Variants in DNAH9 observed in about 807,000 individuals in gnomAD.
DNAH9 encodes DNAH9 variant protein.
A neutral mutation model predicts 471.6 loss-of-function variants in DNAH9; 345 were observed. That is an observed-to-expected ratio of 0.73 (90% CI 0.67 to 0.80). The LOEUF (loss-of-function observed/expected upper bound fraction) is 0.80, where lower values mean the gene tolerates loss of function less well. Ranked by LOEUF, DNAH9 falls within the 30% of genes least tolerant of loss-of-function variation. The pLI is 0.00. For missense variants in DNAH9, 5,407 were observed against 5,609.2 expected (o/e 0.96, Z 1.15); for synonymous variants, 2,093 against 2,123.6 (o/e 0.99, Z 0.40).
At chr17:11,737,765 G>T (rs2075369844) in intron 28 of DNAH9, among the ~76,000 whole-genome samples, 1 of 152,094 alleles carries the variant, frequency 6.6e-6, no homozygotes, top group South Asian at 2.1e-4. Context: ...ATTTTCTAAA[G>T]AAAAAAGCAC....
chr17:11,817,970 A>G (rs1367911079), intron 45 of DNAH9, among the ~76,000 whole-genome samples: 1 of 152,238 alleles, frequency 6.6e-6, no homozygotes, highest in African/African-American at 2.4e-5. Context: ...CTATCAAACC[A>G]TGAAGTCCGT....
At chr17:11,923,736 G>T in intron 61 of DNAH9, 78 bp from the exon 62 acceptor site, 3 of 1,561,876 alleles carry the variant, frequency 1.9e-6, no homozygotes, top group Non-Finnish European at 2.6e-6. Flanking sequence ...TGATCTGAGC[G>T]TGTGCATTTC....
At chr17:11,737,423 G>A (rs546620173) in intron 28 of DNAH9, among the ~76,000 whole-genome samples, 7 of 145,758 alleles carry the variant, frequency 4.8e-5, no homozygotes, top group South Asian at 2.2e-4. Context: ...GGACTTAGCC[G>A]ACCTGCTGAG....
chr17:11,947,772 ATTT>A (rs71367359), intron 67 of DNAH9, among the ~76,000 whole-genome samples: 5 of 108,344 alleles, frequency 4.6e-5, no homozygotes, highest in African/African-American at 1.9e-4. Context: ...GCTGGGAACT[ATTT>A]TTTTTTTTTT....
intron 24 of DNAH9, 22 bp downstream of exon 24, chr17:11,701,269 C>T: frequency 6.2e-7 from 1 of 1,612,018 alleles, no homozygotes; most frequent in Non-Finnish European, 8.5e-7. Flanking sequence ...ATGGGATCCC[C>T]ATCCTCCATG....
At chr17:11,688,287 T>G (rs773985154) in intron 19 of DNAH9, among the ~76,000 whole-genome samples, 1 of 151,826 alleles carries the variant, frequency 6.6e-6, no homozygotes, top group Non-Finnish European at 1.5e-5. Flanking sequence ...AAATGTGAAC[T>G]AAAAAGCTAG....
intron 35 of DNAH9, among the ~76,000 whole-genome samples, chr17:11,760,021 C>T (rs1459730736): frequency 1.3e-5 from 2 of 152,022 alleles, no homozygotes; most frequent in African/African-American, 2.4e-5. Flanking sequence ...AGGGTTTTGC[C>T]ATGTTGACCA....
chr17:11,807,684 TG>T, intron 43 of DNAH9, 47 bp from the exon 44 acceptor site: 4 of 1,563,262 alleles, frequency 2.6e-6, no homozygotes, highest in Non-Finnish European at 3.5e-6. Context: ...TGCTTCTGAC[TG>T]CAGAAAGTCT....
At chr17:11,830,411 G>T (rs1269200908) in intron 48 of DNAH9, among the ~76,000 whole-genome samples, 1 of 152,316 alleles carries the variant, frequency 6.6e-6, no homozygotes, top group Middle Eastern at 3.4e-3. Flanking sequence ...CCACACATCT[G>T]TCAATCTGGA....
chr17:11,884,552 A>G, intron 56 of DNAH9: 1 of 456,184 alleles, frequency 2.2e-6, no homozygotes, highest in South Asian at 1.5e-5. Context: ...GGATTTCTCC[A>G]AATATGAAAG....
intron 50 of DNAH9, among the ~76,000 whole-genome samples, chr17:11,859,714 A>G (rs8072974): frequency 0.48 from 73,053 of 151,988 alleles, 17,910 homozygotes; most frequent in Admixed American, 0.6. Flanking sequence ...GTCATTTGGC[A>G]AGAGCGGGAG....
At chr17:11,895,024 G>A (rs933483594) in intron 59 of DNAH9, among the ~76,000 whole-genome samples, 6 of 152,156 alleles carry the variant, frequency 3.9e-5, no homozygotes, top group Admixed American at 2.0e-4. Context: ...CTGGGCAATA[G>A]GTATTATTTG....
chr17:11,735,498 C>T (rs1042280303), intron 28 of DNAH9, among the ~76,000 whole-genome samples: 10 of 152,104 alleles, frequency 6.6e-5, no homozygotes, highest in East Asian at 1.9e-4. Flanking sequence ...TGCAGTGGCG[C>T]GATCTCGGCT....
At chr17:11,901,383 T>C (rs987708468) in intron 59 of DNAH9, among the ~76,000 whole-genome samples, 7 of 152,178 alleles carry the variant, frequency 4.6e-5, no homozygotes, top group African/African-American at 1.7e-4. Context: ...AAGAATTGTC[T>C]TGGACCACAC....
intron 59 of DNAH9, among the ~76,000 whole-genome samples, chr17:11,897,388 G>C (rs1264224698): frequency 6.6e-6 from 1 of 152,150 alleles, no homozygotes; most frequent in Non-Finnish European, 1.5e-5. Flanking sequence ...TTCTACACTT[G>C]AATTTGAAGA....
Position 11,651,051 on chromosome 17 carries a change from G to A in DNAH9, c.2098-18G>A. The A allele has an allele frequency of 6.2e-7, 1 of 1,610,434 alleles. No individual in the cohort carries two copies. Among genetic ancestry groups the A allele is most frequent in the Non-Finnish European group, 8.5e-7 (1 of 1,177,522 alleles). On this transcript the variant is annotated intron_variant, in intron 12 of 68. Transcript: ENST00000262442. ...TTATCACTGAACGACAGACACTTGT[G>A]TTGCTTCTTTTCTCCAGCTGATTTC...
chr17:11,631,975 A>G (rs567609800), intron 7 of DNAH9, among the ~76,000 whole-genome samples: 1 of 110,510 alleles, frequency 9.0e-6, no homozygotes, highest in Admixed American at 7.7e-5. Flanking sequence ...TAATTTGGAC[A>G]TACTAAAAAA....
intron 26 of DNAH9, among the ~76,000 whole-genome samples, chr17:11,708,012 CACAGAG>C (rs1310687372): frequency 1.4e-3 from 70 of 50,084 alleles, no homozygotes; most frequent in African/African-American, 4.3e-3. Flanking sequence ...CACACACACA[CACAGAG>C]AGAGAGAGAG....
chr17:11,740,020 T>C (rs2075408882), intron 29 of DNAH9, among the ~76,000 whole-genome samples: 1 of 152,206 alleles, frequency 6.6e-6, no homozygotes. Flanking sequence ...CTTCACTCTC[T>C]CAGTCATGGC....
Sources: allele counts gnomAD v4.1 joint callset (sites outside exome capture counted in the v4.1 genomes callset), GRCh38; gene constraint gnomAD v4.1.1; transcripts MANE v1.5; gene names NCBI Gene and HGNC (gene_info 2026-07-23, HGNC 2026-07-21).